The following BORCS5 variants were observed in gnomAD, a reference collection of about 807,000 sequenced individuals.
BORCS5 encodes BLOC-1-related complex subunit 5.
A neutral mutation model predicts 22.1 loss-of-function variants in BORCS5; 17 were observed. The observed-to-expected ratio is 0.77, with a 90% CI of 0.53 to 1.15. The LOEUF (loss-of-function observed/expected upper bound fraction) is 1.15. Among genes scored for constraint, BORCS5 ranks in the 50% most tolerant of loss-of-function variants. The pLI, the probability that BORCS5 is intolerant of heterozygous loss-of-function variation, is 0.00. For missense variants in BORCS5, 247 were observed against 253.2 expected, an observed-to-expected ratio of 0.98 and a Z score of 0.17; for synonymous variants, 117 against 99.8, an observed-to-expected ratio of 1.17 and a Z score of -1.03.
At chr12:12,425,967 T>G (rs971333745) in intron 2 of BORCS5, among the ~76,000 whole-genome samples, 1 of 152,212 alleles carries the variant, frequency 6.6e-6, no homozygotes, top group African/African-American at 2.4e-5. Flanking sequence ...CTTTGCTAGG[T>G]GCTGTGGTAG....
chr12:12,376,994 G>A (rs781036094), intron 2 of BORCS5, among the ~76,000 whole-genome samples: 10 of 152,180 alleles, frequency 6.6e-5, no homozygotes. Context: ...TCTGTGACAC[G>A]TTAGTAATCT....
chr12:12,453,119 G>C (rs1424111883), intron 3 of BORCS5, among the ~76,000 whole-genome samples: 1 of 152,212 alleles, frequency 6.6e-6, no homozygotes, highest in African/African-American at 2.4e-5. Context: ...GCAAAAAATG[G>C]TAAGTATGTG....
intron 2 of BORCS5, among the ~76,000 whole-genome samples, chr12:12,403,558 C>T (rs202015331): frequency 6.6e-6 from 1 of 151,986 alleles, no homozygotes; most frequent in African/African-American, 2.4e-5. Flanking sequence ...TTTTTTTTCC[C>T]GAGTATTATC....
chr12:12,434,959 T>C (rs937821630), intron 2 of BORCS5, among the ~76,000 whole-genome samples: 4 of 152,220 alleles, frequency 2.6e-5, no homozygotes, highest in Non-Finnish European at 4.4e-5. Context: ...TGATTTCTTC[T>C]CCTGCAAATG....
intron 2 of BORCS5, among the ~76,000 whole-genome samples, chr12:12,406,331 G>A (rs977674493): frequency 6.6e-6 from 1 of 152,156 alleles, no homozygotes; most frequent in South Asian, 2.1e-4. Context: ...TTCTGAAATT[G>A]ATCTTGTTCT....
chr12:12,470,699 G>C lies in BORCS5; in HGVS notation c.*4923G>C, dbSNP rs1943283462. On this transcript the variant is annotated 3_prime_UTR_variant, in exon 4 of 4. Coordinates refer to ENST00000314565, the MANE Select transcript of BORCS5 (RefSeq NM_058169.6). ...GGGTTTTTTTTTTTTGACACACCAG[G>C]CATGTCTCTTCCATTCAAATGCTAT... Among the ~76,000 whole-genome samples, 1 of 147,556 alleles carries C rather than the reference G, an allele frequency of 6.8e-6. No homozygotes were observed. Among genetic ancestry groups the C allele is most frequent in the South Asian group, 2.1e-4 (1 of 4,720 alleles).
At chr12:12,376,443 C>T (rs1210017539) in intron 2 of BORCS5, among the ~76,000 whole-genome samples, 1 of 151,936 alleles carries the variant, frequency 6.6e-6, no homozygotes, top group Non-Finnish European at 1.5e-5. Flanking sequence ...CAGTGTTAGC[C>T]AGGATAGTCT....
At chr12:12,460,757 C>G (rs1012260476) in intron 3 of BORCS5, among the ~76,000 whole-genome samples, 1 of 152,206 alleles carries the variant, frequency 6.6e-6, no homozygotes, top group Non-Finnish European at 1.5e-5. Flanking sequence ...TTTCTAACCT[C>G]TATTCTGTTG....
chr12:12,371,107 C>T (rs1044151629), intron 2 of BORCS5, among the ~76,000 whole-genome samples: 13 of 152,176 alleles, frequency 8.5e-5, no homozygotes, highest in South Asian at 2.1e-4. Context: ...TTTTCTGGCA[C>T]AATATAATGT....
rs137925483 is a variant in BORCS5, at chr12:12,450,422, T to C, written c.360+14637T>C. Among the ~76,000 whole-genome samples, 1,158 of 152,336 alleles carry C rather than the reference T, an allele frequency of 7.6e-3. 41 individuals are homozygous for C. Among genetic ancestry groups the C allele is most frequent in the Admixed American group, 0.066 (1,013 of 15,302 alleles). On this transcript the variant is annotated intron_variant, in intron 3 of 3. Transcript: ENST00000314565. ...AGACGAACTGCCAGTGAAAATGTCATTTAAGTTTATCTGCTAACAGTTTAT... is the reference window on the plus strand; with the variant it reads ...AGACGAACTGCCAGTGAAAATGTCACTTAAGTTTATCTGCTAACAGTTTAT...
chr12:12,435,947 C>A, intron 3 of BORCS5, 162 bp downstream of exon 3: 2 of 646,488 alleles, frequency 3.1e-6, no homozygotes, highest in South Asian at 2.3e-5. Flanking sequence ...CAGAGCTGGG[C>A]TAATTTAGAG....
chr12:12,460,488 A>G (rs1461402798), intron 3 of BORCS5, among the ~76,000 whole-genome samples: 2 of 152,154 alleles, frequency 1.3e-5, no homozygotes, highest in African/African-American at 4.8e-5. Context: ...CTTTTACTTA[A>G]TTTATTGCAT....
At chr12:12,359,524 G>A (rs753508259) in intron 1 of BORCS5, among the ~76,000 whole-genome samples, 11 of 151,982 alleles carry the variant, frequency 7.2e-5, no homozygotes, top group Non-Finnish European at 1.3e-4. Flanking sequence ...ACCACGCCTG[G>A]ATAATTTTTG....
chr12:12,372,964 G>T (rs752698682), intron 2 of BORCS5, among the ~76,000 whole-genome samples: 16 of 152,062 alleles, frequency 1.1e-4, no homozygotes, highest in Non-Finnish European at 1.6e-4. Flanking sequence ...TGAGGCTGCT[G>T]GGCTTTTTTT....
intron 3 of BORCS5, among the ~76,000 whole-genome samples, chr12:12,436,319 G>A (rs570441460): frequency 2.0e-5 from 3 of 152,342 alleles, no homozygotes; most frequent in Middle Eastern, 3.4e-3. Flanking sequence ...AAGGAAAGAA[G>A]CAATGTAATT....
Position 12,422,124 on chromosome 12 carries a change from A to C in BORCS5, c.203-13504A>C, listed in dbSNP as rs192187424. Among the ~76,000 whole-genome samples, 770 of 151,638 alleles carry C rather than the reference A, an allele frequency of 5.1e-3. 9 individuals are homozygous for C. The highest frequency in any genetic ancestry group is 0.018 in the African/African-American group (744 of 41,338). ...GAATTTGTTTGTTCTTGCTTCTTTT[A>C]ATTGTGATATTAGGGTGTCGATTTT... On this transcript the variant is annotated intron_variant, in intron 2 of 3. Coordinates refer to ENST00000314565, the MANE Select transcript of BORCS5 (RefSeq NM_058169.6).
intron 3 of BORCS5, among the ~76,000 whole-genome samples, chr12:12,444,290 A>G (rs979785986): frequency 1.3e-5 from 2 of 152,204 alleles, no homozygotes; most frequent in Non-Finnish European, 2.9e-5. Context: ...ATCAAATGCA[A>G]CAGAAGTTTA....
chr12:12,365,558 G>T (rs1014021491), intron 2 of BORCS5, among the ~76,000 whole-genome samples: 4 of 151,206 alleles, frequency 2.6e-5, no homozygotes, highest in African/African-American at 9.7e-5. Flanking sequence ...TGAGAGTGGC[G>T]TGAATCTAGA....
chr12:12,376,980 A>T (rs1032279894), intron 2 of BORCS5, among the ~76,000 whole-genome samples: 1 of 152,210 alleles, frequency 6.6e-6, no homozygotes, highest in Non-Finnish European at 1.5e-5. Flanking sequence ...GGAAATATAC[A>T]TGTTCTGTGA....
Sources: gnomAD v4.1 joint callset for allele counts (sites outside exome capture counted in the v4.1 genomes callset) on GRCh38, gnomAD v4.1.1 for gene constraint, MANE v1.5 for transcripts, NCBI Gene and HGNC (gene_info 2026-07-23, HGNC 2026-07-21) for gene names.